The following OCA2 variants were observed in gnomAD, a reference collection of about 807,000 sequenced individuals.
The protein encoded by OCA2 is P protein.
Under a neutral mutation model 100.2 loss-of-function variants are expected in OCA2, and 77 were observed. The ratio of observed to expected loss-of-function variants is 0.77; its 90% CI spans 0.64 to 0.93. The LOEUF (loss-of-function observed/expected upper bound fraction) is 0.93, where lower values mean the gene tolerates loss of function less well. OCA2 is among the 40% of genes least tolerant of loss of function. The pLI, the probability that OCA2 is intolerant of heterozygous loss-of-function variation, is 0.00. For missense variants in OCA2, 1,062 were observed against 1,089.1 expected, an observed-to-expected ratio of 0.98 and a Z score of 0.35; for synonymous variants, 432 against 439.2, an observed-to-expected ratio of 0.98 and a Z score of 0.21.
Position 27,891,257 on chromosome 15 carries a change from A to G in OCA2, c.2080-19335T>C, listed in dbSNP as rs543543466. ...TAATTCTAATAAGTCATGTATGTATACTGTAGTCCTCTGAGCAACCACTCC... is the reference window on the plus strand; with the variant it reads ...TAATTCTAATAAGTCATGTATGTATGCTGTAGTCCTCTGAGCAACCACTCC... On this transcript the variant is annotated intron_variant, in intron 19 of 23. Transcript: ENST00000354638. Among the ~76,000 whole-genome samples, 131 of 152,310 alleles carry G rather than the reference A, an allele frequency of 8.6e-4. 1 individual carries two copies. Among genetic ancestry groups the G allele is most frequent in the African/African-American group, 3.1e-3 (128 of 41,564 alleles).
intron 19 of OCA2, among the ~76,000 whole-genome samples, chr15:27,890,928 G>A (rs527469026): frequency 1.3e-5 from 2 of 152,082 alleles, no homozygotes; most frequent in Admixed American, 1.3e-4. Context: ...TGGAAGCTGA[G>A]GCAGGAAAAT....
chr15:27,775,110 G>A (rs2032129156), intron 23 of OCA2, among the ~76,000 whole-genome samples: 1 of 150,608 alleles, frequency 6.6e-6, no homozygotes, highest in African/African-American at 2.5e-5. Flanking sequence ...GTGTCTGTGT[G>A]TTTGTTAATA....
At chr15:28,016,321 G>A (rs2042392562) in intron 7 of OCA2, 135 bp from the exon 8 acceptor site, 3 of 746,178 alleles carry the variant, frequency 4.0e-6, no homozygotes, top group Non-Finnish European at 7.2e-6. Context: ...ATCTTTATTT[G>A]AGCTCTCACA....
intron 2 of OCA2, among the ~76,000 whole-genome samples, chr15:28,039,622 A>G (rs1405630709): frequency 6.6e-6 from 1 of 152,104 alleles, no homozygotes; most frequent in Non-Finnish European, 1.5e-5. Flanking sequence ...TGAAGCCCTA[A>G]CCCCTAGTAC....
intron 1 of OCA2, among the ~76,000 whole-genome samples, chr15:28,084,113 G>A (rs913445853): frequency 2.0e-5 from 3 of 152,188 alleles, no homozygotes; most frequent in Non-Finnish European, 2.9e-5. Context: ...TCTGAGAGTC[G>A]TGGGAGAGCT....
chr15:27,923,282 T>C (rs2038932315), intron 19 of OCA2, among the ~76,000 whole-genome samples: 1 of 152,238 alleles, frequency 6.6e-6, no homozygotes, highest in African/African-American at 2.4e-5. Context: ...TCCATATCTT[T>C]GCTATGGTGA....
At chr15:27,927,587 A>G (rs748018587) in intron 18 of OCA2, among the ~76,000 whole-genome samples, 1 of 152,198 alleles carries the variant, frequency 6.6e-6, no homozygotes, top group Non-Finnish European at 1.5e-5. Context: ...TTTATGCTTT[A>G]GGAAACTGCA....
the OCA2 span, among the ~76,000 whole-genome samples, chr15:27,730,568 A>T: frequency 6.7e-6 from 1 of 149,882 alleles, no homozygotes; most frequent in South Asian, 2.1e-4. Context: ...AAAAGCTCCA[A>T]CCCTCTAATC....
At chr15:27,763,169 A>C (rs2030978388) in intron 23 of OCA2, among the ~76,000 whole-genome samples, 2 of 152,204 alleles carry the variant, frequency 1.3e-5, no homozygotes, top group African/African-American at 4.8e-5. Context: ...AAACTACAAA[A>C]CATTTAGAAG....
At chr15:27,914,884 A>G (rs2038604839) in intron 19 of OCA2, among the ~76,000 whole-genome samples, 1 of 152,156 alleles carries the variant, frequency 6.6e-6, no homozygotes, top group Non-Finnish European at 1.5e-5. Context: ...TATGGAACCA[A>G]AAAAAGAGCC....
chr15:27,764,853 T>G (rs1361432771), intron 23 of OCA2, among the ~76,000 whole-genome samples: 8 of 152,136 alleles, frequency 5.3e-5, no homozygotes. Context: ...CAAAAGCAAG[T>G]GTATTAAGAA....
At chr15:27,882,706 C>T (rs1017786890) in intron 19 of OCA2, among the ~76,000 whole-genome samples, 3 of 151,844 alleles carry the variant, frequency 2.0e-5, no homozygotes, top group African/African-American at 4.8e-5. Context: ...TTTTTTTTTA[C>T]TTATAAACTA....
intron 12 of OCA2, among the ~76,000 whole-genome samples, chr15:27,985,537 C>A (rs1243031264): frequency 6.6e-6 from 1 of 152,080 alleles, no homozygotes; most frequent in Non-Finnish European, 1.5e-5. Context: ...TCCATGTGAG[C>A]CTAGTGTCTG....
At chr15:28,088,487 TATGGATAA>T (rs1311994502) in intron 1 of OCA2, among the ~76,000 whole-genome samples, 1 of 152,202 alleles carries the variant, frequency 6.6e-6, no homozygotes, top group Non-Finnish European at 1.5e-5. Context: ...CAAGAAACAT[TATGGATAA>T]ATTATCGGGG....
intron 3 of OCA2, among the ~76,000 whole-genome samples, chr15:28,030,534 C>G (rs1450474767): frequency 1.3e-5 from 2 of 152,104 alleles, no homozygotes; most frequent in Non-Finnish European, 2.9e-5. Flanking sequence ...AATGATAAAC[C>G]CAGATGGCTG....
At chr15:27,835,016 G>A (rs878916171) in intron 23 of OCA2, among the ~76,000 whole-genome samples, 7 of 152,176 alleles carry the variant, frequency 4.6e-5, no homozygotes, top group Admixed American at 3.9e-4. Context: ...CCTTCCGGAC[G>A]TAATGGGATG....
chr15:27,842,963 A>C, intron 23 of OCA2, among the ~76,000 whole-genome samples: 1 of 152,216 alleles, frequency 6.6e-6, no homozygotes, highest in East Asian at 1.9e-4. Flanking sequence ...AGTGGACGCA[A>C]ACCCTTTCAG....
intron 21 of OCA2, among the ~76,000 whole-genome samples, chr15:27,864,315 A>G (rs867261393): frequency 6.6e-6 from 1 of 152,310 alleles, no homozygotes; most frequent in South Asian, 2.1e-4. Flanking sequence ...AATAGTGCCA[A>G]CTGCTCATGT....
At chr15:27,853,480 G>A (rs1262416586) in intron 21 of OCA2, among the ~76,000 whole-genome samples, 8 of 148,386 alleles carry the variant, frequency 5.4e-5, no homozygotes, top group African/African-American at 1.5e-4. Flanking sequence ...GCTAAATGAC[G>A]AGTTAATGGG....
Sources: gnomAD v4.1 joint callset for allele counts (sites outside exome capture counted in the v4.1 genomes callset) on GRCh38, gnomAD v4.1.1 for gene constraint, MANE v1.5 for transcripts, NCBI Gene and HGNC (gene_info 2026-07-23, HGNC 2026-07-21) for gene names.